The following ABR variants were observed in gnomAD, a reference collection of about 807,000 sequenced individuals.
The protein encoded by ABR is ABR activator of RhoGEF and GTPase.
Under a neutral mutation model 107.2 loss-of-function variants are expected in ABR, and 35 were observed. The ratio of observed to expected loss-of-function variants is 0.33; its 90% CI spans 0.25 to 0.43. The LOEUF is 0.43. Ranked by LOEUF, ABR falls within the 20% of genes least tolerant of loss-of-function variation. The pLI is 1.00. For missense variants in ABR, 815 were observed against 1,115.2 expected, an observed-to-expected ratio of 0.73 and a Z score of 3.83; for synonymous variants, 498 against 462.0, an observed-to-expected ratio of 1.08 and a Z score of -1.00.
At chr17:1,039,841 C>T (rs909649279) in intron 16 of ABR, among the ~76,000 whole-genome samples, 3 of 152,184 alleles carry the variant, frequency 2.0e-5, no homozygotes, top group Non-Finnish European at 4.4e-5. Flanking sequence ...GCCTGACATG[C>T]ACTCCTGGCC....
At chr17:1,151,682 G>A (rs1030735394) in intron 1 of ABR, among the ~76,000 whole-genome samples, 1 of 152,190 alleles carries the variant, frequency 6.6e-6, no homozygotes, top group Non-Finnish European at 1.5e-5. Context: ...TGGACAGGAA[G>A]CCCAAGGATT....
intron 1 of ABR, among the ~76,000 whole-genome samples, chr17:1,178,521 G>A (rs1210341929): frequency 2.7e-5 from 4 of 150,308 alleles, no homozygotes; most frequent in East Asian, 2.0e-4. Flanking sequence ...CGGAGATTGC[G>A]CCACTGCACT....
chr17:1,046,879 C>T (rs956826000), intron 16 of ABR, among the ~76,000 whole-genome samples: 5 of 152,180 alleles, frequency 3.3e-5, no homozygotes, highest in Admixed American at 2.0e-4. Context: ...AAGGATCACA[C>T]GAGGAGATGG....
chr17:1,191,054 G>A (rs1284034084), upstream of ABR, among the ~76,000 whole-genome samples: 1 of 152,224 alleles, frequency 6.6e-6, no homozygotes, highest in East Asian at 1.9e-4. Flanking sequence ...CACCACGCCG[G>A]CCCGAGGGCG....
At chr17:1,118,030 T>A (rs375299676) in intron 2 of ABR, among the ~76,000 whole-genome samples, 1 of 45,170 alleles carries the variant, frequency 2.2e-5, no homozygotes, top group Non-Finnish European at 4.7e-5. Context: ...CCCAGCGTTA[T>A]CGCTGAGCCT....
At position 1,084,878 on chromosome 17, in the gene ABR, G is replaced by A. The variant is rs935282986; in HGVS notation, c.532-1251C>T. Reference sequence around the variant, plus strand: ...GGCTGCAGTACAGTGGTGCGATCTCGGCTCACCGCAACCTCCCGGATTCAA... The same window carrying A: ...GGCTGCAGTACAGTGGTGCGATCTCAGCTCACCGCAACCTCCCGGATTCAA... On this transcript the variant is annotated intron_variant, in intron 4 of 22. Coordinates refer to ENST00000302538, the MANE Select transcript of ABR (RefSeq NM_021962.5). This position sits in a 1 kb window ranked among gnomAD's most constrained non-coding sequence, Gnocchi z 4.2. Among the ~76,000 whole-genome samples the A allele has an allele frequency of 2.0e-5, 3 of 151,974 alleles. No homozygotes were observed. The highest frequency in any genetic ancestry group is 4.4e-5 in the Non-Finnish European group (3 of 68,008).
chr17:1,012,022 C>T (rs757272973), intron 18 of ABR, 37 bp from the exon 19 acceptor site: 3 of 1,609,050 alleles, frequency 1.9e-6, no homozygotes, highest in East Asian at 2.2e-5. Flanking sequence ...AGGGCAGCCC[C>T]CACGACAGCT....
chr17:1,083,374 G>A (rs2036390362), intron 5 of ABR, 146 bp downstream of exon 5: 1 of 435,828 alleles, frequency 2.3e-6, no homozygotes, highest in Non-Finnish European at 4.2e-6. Flanking sequence ...GAAAATGTCA[G>A]GTGCAAGAAA....
intron 1 of ABR, among the ~76,000 whole-genome samples, chr17:1,160,837 C>T (rs1383571515): frequency 6.6e-6 from 1 of 152,252 alleles, no homozygotes; most frequent in East Asian, 1.9e-4. Flanking sequence ...TAACACTTTT[C>T]ACAGAGGCCA....
intron 10 of ABR, among the ~76,000 whole-genome samples, chr17:1,062,072 G>A (rs892486293): frequency 3.3e-5 from 5 of 152,192 alleles, no homozygotes. Context: ...GCTTCCCAGG[G>A]GTGGTGAGGC....
intron 2 of ABR, 27 bp downstream of exon 2, chr17:1,125,156 C>A: frequency 1.3e-6 from 2 of 1,540,212 alleles, no homozygotes; most frequent in Non-Finnish European, 1.7e-6. Context: ...CCTCCCCAAA[C>A]CCAGAAAGAA....
chr17:1,124,158 G>T (rs756651179), intron 2 of ABR, among the ~76,000 whole-genome samples: 1 of 152,200 alleles, frequency 6.6e-6, no homozygotes, highest in African/African-American at 2.4e-5. Context: ...AGCTCTGTGG[G>T]GGGTGGAGGG....
chr17:1,012,169 C>T (rs536785807), intron 18 of ABR, 184 bp from the exon 19 acceptor site: 10 of 964,950 alleles, frequency 1.0e-5, no homozygotes, highest in Non-Finnish European at 1.6e-5. Context: ...CACCCGAGGC[C>T]TGCCGAAGGG....
intron 4 of ABR, among the ~76,000 whole-genome samples, chr17:1,085,992 C>T (rs1033362284): frequency 6.6e-6 from 1 of 151,900 alleles, no homozygotes; most frequent in African/African-American, 2.4e-5. Flanking sequence ...ACTAAAGATA[C>T]AAAATTATCC....
At chr17:1,203,999 G>C (rs988671470) in intron 1 of ABR, among the ~76,000 whole-genome samples, 15 of 152,210 alleles carry the variant, frequency 9.9e-5, no homozygotes, top group African/African-American at 3.6e-4. Flanking sequence ...GAGCCGAGGG[G>C]AGGGCACGAG....
At chr17:1,049,947 G>A (rs1405312048) in intron 16 of ABR, 103 bp downstream of exon 16, 4 of 1,475,446 alleles carry the variant, frequency 2.7e-6, no homozygotes, top group Non-Finnish European at 3.6e-6. Flanking sequence ...AACCAGCTTG[G>A]AACCAAAATC....
chr17:1,112,873 C>CAATCAGCAAGCATTTGTTAACGCCTGACT (rs2038762206), intron 2 of ABR, among the ~76,000 whole-genome samples: 1 of 150,152 alleles, frequency 6.7e-6, no homozygotes, highest in African/African-American at 2.5e-5. Context: ...CTTCCCTGAC[C>CAATCAGCAAGCATTTGTTAACGCCTGACT]CAATCAGCAA....
intron 16 of ABR, among the ~76,000 whole-genome samples, chr17:1,049,650 G>A (rs1185038698): frequency 2.0e-5 from 3 of 152,138 alleles, no homozygotes; most frequent in Non-Finnish European, 2.9e-5. Flanking sequence ...CGCCTGGTCC[G>A]TGTGCCTAAC....
rs186085703 is a variant in ABR, at chr17:1,015,509, T to G, written c.1792-2345A>C. 5.4e-3 allele frequency among the ~76,000 whole-genome samples: 813 copies of G among 151,542 alleles called. 8 individuals carry two copies. The highest frequency in any genetic ancestry group is 0.019 in the African/African-American group (767 of 41,314). ...TTCGCTCTTATTGTCCAGGCCGGAG[T>G]GCAATGGTGCGATCTTGGCTCACAG... is the stretch of plus-strand genomic sequence containing the variant. On this transcript the variant is annotated intron_variant, in intron 16 of 22. Transcript: ENST00000302538.
Sources: allele counts gnomAD v4.1 joint callset (sites outside exome capture counted in the v4.1 genomes callset), GRCh38; gene constraint gnomAD v4.1.1; non-coding constraint Gnocchi (gnomAD v3.1); transcripts MANE v1.5; gene names NCBI Gene and HGNC (gene_info 2026-07-23, HGNC 2026-07-21).